Variants in CACNA1A observed in about 807,000 individuals in gnomAD.
CACNA1A encodes the protein voltage-dependent P/Q-type calcium channel subunit alpha-1A.
Under a neutral mutation model 262.4 loss-of-function variants are expected in CACNA1A, and 57 were observed. That is an observed-to-expected ratio of 0.22 (90% CI 0.18 to 0.27). The LOEUF (loss-of-function observed/expected upper bound fraction) is 0.27, where lower values mean the gene tolerates loss of function less well. CACNA1A is among the 10% of genes least tolerant of loss of function. CACNA1A has a pLI of 1.00. For missense variants in CACNA1A, 2,526 were observed against 3,562.8 expected, an observed-to-expected ratio of 0.71 and a Z score of 7.41; for synonymous variants, 1,431 against 1,419.3, an observed-to-expected ratio of 1.01 and a Z score of -0.18.
intron 3 of CACNA1A, among the ~76,000 whole-genome samples, chr19:13,413,895 AAAAG>A (rs57341945): frequency 0.15 from 17,906 of 119,000 alleles, 1,682 homozygotes; most frequent in South Asian, 0.25. Flanking sequence ...GAAAGAAAGA[AAAAG>A]AAAGAAAGAA....
intron 30 of CACNA1A, chr19:13,245,657 TTTTC>T (rs148257153): frequency 0.4 from 59,960 of 151,364 alleles, 13,300 homozygotes; most frequent in Middle Eastern, 0.48. Flanking sequence ...CCCATTTTCT[TTTTC>T]TTTCTTTCTC....
intron 29 of CACNA1A, among the ~76,000 whole-genome samples, chr19:13,253,910 T>G (rs1213715024): frequency 6.6e-6 from 1 of 151,962 alleles, no homozygotes; most frequent in Non-Finnish European, 1.5e-5. Context: ...CAGCTAATTT[T>G]TGTATTTTTA....
chr19:13,300,827 CTGTGTA>C (rs1284898774), intron 17 of CACNA1A, among the ~76,000 whole-genome samples, 171 bp from the exon 18 acceptor site: 3 of 152,192 alleles, frequency 2.0e-5, no homozygotes, highest in African/African-American at 4.8e-5. Flanking sequence ...GCTATCCCCT[CTGTGTA>C]TAAGTTTGAC....
intron 6 of CACNA1A, among the ~76,000 whole-genome samples, chr19:13,351,187 C>G (rs2058901964): frequency 6.6e-6 from 1 of 152,146 alleles, no homozygotes; most frequent in African/African-American, 2.4e-5. Flanking sequence ...TCACTAAATC[C>G]AGCCCACTCT....
chr19:13,481,106 G>T, intron 1 of CACNA1A, among the ~76,000 whole-genome samples: 1 of 152,086 alleles, frequency 6.6e-6, no homozygotes, highest in South Asian at 2.1e-4. Flanking sequence ...GCACTGAAAG[G>T]ATGAGCTAAA....
intron 6 of CACNA1A, among the ~76,000 whole-genome samples, chr19:13,337,723 T>C (rs1251542824): frequency 2.0e-5 from 3 of 152,188 alleles, no homozygotes; most frequent in South Asian, 2.1e-4. Context: ...TGCTTAACAA[T>C]GGGCATACAT....
intron 1 of CACNA1A, among the ~76,000 whole-genome samples, chr19:13,467,304 A>G (rs1300313175): frequency 6.6e-6 from 1 of 152,010 alleles, no homozygotes; most frequent in Non-Finnish European, 1.5e-5. Flanking sequence ...TTCTTTTCAT[A>G]ATTAAAACCT....
chr19:13,325,158 C>T (rs2058336037), intron 10 of CACNA1A, among the ~76,000 whole-genome samples: 1 of 144,270 alleles, frequency 6.9e-6, no homozygotes, highest in African/African-American at 2.6e-5. Context: ...CTTCTTCCTT[C>T]TTCCTTCTTC....
intron 3 of CACNA1A, among the ~76,000 whole-genome samples, chr19:13,403,404 A>G (rs1042528839): frequency 6.6e-6 from 1 of 152,146 alleles, no homozygotes; most frequent in Non-Finnish European, 1.5e-5. Flanking sequence ...GTTCAGAGAG[A>G]GCACTCAGGC....
chr19:13,393,376 C>T (rs2059743476), intron 3 of CACNA1A, among the ~76,000 whole-genome samples: 1 of 152,106 alleles, frequency 6.6e-6, no homozygotes, highest in Admixed American at 6.5e-5. Flanking sequence ...CTGTATGACC[C>T]CATGTGCTTA....
chr19:13,373,378 C>T (rs771301096), intron 3 of CACNA1A, among the ~76,000 whole-genome samples: 5 of 152,212 alleles, frequency 3.3e-5, no homozygotes, highest in Non-Finnish European at 5.9e-5. Flanking sequence ...CTGTGGCCAA[C>T]TGGTATCTGT....
At position 13,235,423 on chromosome 19, in the gene CACNA1A, G is replaced by A. The variant is rs967092056; in HGVS notation, c.5068-149C>T. The A allele has an allele frequency of 1.2e-5, 10 of 853,826 alleles. No individual in the cohort carries two copies. The African/African-American group carries it at 1.5e-4, about 13-fold the overall frequency. The allele number at this position is 853,826 out of a possible 1,614,324, so 52.9% of individuals were successfully genotyped here. A position where few individuals can be genotyped will look rare whatever the true frequency, so the allele number is the denominator to read the frequency against. On this transcript the variant is annotated intron_variant, in intron 32 of 46. Coordinates refer to ENST00000360228, the MANE Select transcript of CACNA1A (RefSeq NM_001127222.2). ...CCAGGGCTGGTGGGCATCTCTGGGG[G>A]CTCTAGGATGAGGCCCTTACAGCTC...
chr19:13,365,360 A>G lies in CACNA1A; in HGVS notation c.741T>C (p.Phe247=). 6.2e-7 allele frequency: 1 copy of G among 1,613,540 alleles called. No homozygotes were observed. Among genetic ancestry groups the G allele is most frequent in the Non-Finnish European group, 8.5e-7 (1 of 1,179,650 alleles). ...ILIFAIIGLE[F]YMGKFHTTCF... is the part of the protein sequence containing the mutation. ...AGGTGGTATGAAATTTTCCCATATA[A>G]AATTCTAACCCTATGATTGCAAAAA... The change falls in exon 5 of 47, where the codon TTT becomes TTC. Residue 247 remains phenylalanine, a synonymous_variant. Coordinates refer to ENST00000360228, the MANE Select transcript of CACNA1A (RefSeq NM_001127222.2).
intron 21 of CACNA1A, chr19:13,283,616 T>C: frequency 2.0e-6 from 1 of 509,948 alleles, no homozygotes; most frequent in East Asian, 3.4e-5. Flanking sequence ...TCACATGCCC[T>C]GTTTAGCAAA....
intron 1 of CACNA1A, among the ~76,000 whole-genome samples, chr19:13,466,901 T>TTTA (rs1377612343): frequency 2.0e-5 from 3 of 151,142 alleles, no homozygotes; most frequent in Admixed American, 2.0e-4. Context: ...TATTTATTTA[T>TTTA]TTATTTATTT....
intron 1 of CACNA1A, among the ~76,000 whole-genome samples, chr19:13,499,521 C>A (rs1308689215): frequency 3.3e-5 from 5 of 151,100 alleles, no homozygotes; most frequent in African/African-American, 1.2e-4. Flanking sequence ...AAAAAGAACA[C>A]TGGAACCTAA....
chr19:13,277,197 C>T (rs1314671967), intron 22 of CACNA1A, 69 bp from the exon 23 acceptor site: 4 of 1,074,832 alleles, frequency 3.7e-6, no homozygotes, highest in East Asian at 4.8e-5. Context: ...GTAAAACTAA[C>T]GATCGCCTAC....
chr19:13,240,024 G>A (rs950716543), intron 31 of CACNA1A, among the ~76,000 whole-genome samples: 7 of 151,982 alleles, frequency 4.6e-5, no homozygotes, highest in African/African-American at 1.7e-4. Context: ...GGTGGTACAT[G>A]CTTGTAATCC....
intron 1 of CACNA1A, 94 bp downstream of exon 1, chr19:13,505,838 A>G: frequency 7.5e-7 from 1 of 1,341,816 alleles, no homozygotes; most frequent in Non-Finnish European, 1.0e-6. Flanking sequence ...CCCACCTCCC[A>G]TCAACCCCCG....
Sources: allele counts gnomAD v4.1 joint callset (sites outside exome capture counted in the v4.1 genomes callset), GRCh38; gene constraint gnomAD v4.1.1; transcripts MANE v1.5; gene names NCBI Gene and HGNC (gene_info 2026-07-23, HGNC 2026-07-21).